Variants in SMCHD1 observed in about 807,000 individuals in gnomAD.
The protein encoded by SMCHD1 is structural maintenance of chromosomes flexible hinge domain-containing protein 1.
In SMCHD1, 78 loss-of-function variants were observed where a neutral mutation model predicts 254.7. That is an observed-to-expected ratio of 0.31 (90% CI 0.26 to 0.37). The LOEUF is 0.37. Ranked by LOEUF, SMCHD1 falls within the 10% of genes least tolerant of loss-of-function variation. SMCHD1 has a pLI of 1.00. For synonymous variants in SMCHD1, 766 were observed against 794.9 expected, an observed-to-expected ratio of 0.96 and a Z score of 0.61; for missense variants, 1,840 against 2,408.1, an observed-to-expected ratio of 0.76 and a Z score of 4.94.
rs772962657 is a variant in SMCHD1 at position 2,722,592 on chromosome 18, T to G, written c.2532T>G (p.Pro844=). Residue 844 remains proline, a synonymous_variant, in exon 20 of 48, where the codon CCT becomes CCG. Coordinates refer to ENST00000320876, the MANE Select transcript of SMCHD1 (RefSeq NM_015295.3). The part of the protein sequence containing the change: ...PFRVGVPFNI[P]LEFQDEFGHT... ...GTGTTGGAGTTCCATTTAATATCCC[T>G]CTGGAGTTTCAGGATGAATTTGGTC... 9 of 1,613,218 alleles carry G rather than the reference T, an allele frequency of 5.6e-6. No individual in the cohort carries two copies. Among genetic ancestry groups the G allele is most frequent in the Non-Finnish European group, 7.6e-6 (9 of 1,179,500 alleles).
intron 3 of SMCHD1, among the ~76,000 whole-genome samples, chr18:2,671,790 G>A (rs1348689943): frequency 6.6e-6 from 1 of 151,756 alleles, no homozygotes; most frequent in Non-Finnish European, 1.5e-5. Flanking sequence ...AGTAGAGACG[G>A]GGTTTCACTG....
intron 46 of SMCHD1, 92 bp downstream of exon 46, chr18:2,796,199 C>A: frequency 8.5e-7 from 1 of 1,179,486 alleles, no homozygotes; most frequent in Non-Finnish European, 1.2e-6. Context: ...AAAAAGAATG[C>A]AAATGATTCA....
intron 34 of SMCHD1, among the ~76,000 whole-genome samples, chr18:2,755,678 C>T (rs1287625272): frequency 1.3e-5 from 2 of 150,454 alleles, no homozygotes; most frequent in African/African-American, 2.5e-5. Context: ...TGCCATTCTC[C>T]TGCCTCAGCC....
chr18:2,730,503 A>G (rs2075117869), intron 24 of SMCHD1, among the ~76,000 whole-genome samples: 1 of 152,158 alleles, frequency 6.6e-6, no homozygotes, highest in Non-Finnish European at 1.5e-5. Context: ...TGCCAGTAGG[A>G]TGCTTTTTAT....
intron 33 of SMCHD1, 148 bp downstream of exon 33, chr18:2,751,541 C>A: frequency 3.5e-6 from 2 of 563,474 alleles, no homozygotes; most frequent in Non-Finnish European, 3.1e-6. Context: ...AAAGAAATTA[C>A]ATCAATGTAT....
chr18:2,684,886 G>A (rs1381802568), intron 5 of SMCHD1, among the ~76,000 whole-genome samples: 2 of 151,742 alleles, frequency 1.3e-5, no homozygotes, highest in African/African-American at 2.4e-5. Context: ...GTATACTTCC[G>A]TTTATGCTAT....
chr18:2,799,621 T>C (rs1489219964), intron 47 of SMCHD1, among the ~76,000 whole-genome samples: 1 of 152,218 alleles, frequency 6.6e-6, no homozygotes, highest in Non-Finnish European at 1.5e-5. Flanking sequence ...GTCATGACTC[T>C]TACTTAGGCC....
intron 47 of SMCHD1, among the ~76,000 whole-genome samples, chr18:2,797,231 CCAT>C (rs2076280081): frequency 1.3e-5 from 2 of 152,266 alleles, no homozygotes; most frequent in Admixed American, 1.3e-4. Flanking sequence ...GATCACCAAA[CCAT>C]TTTGGCCATT....
intron 5 of SMCHD1, among the ~76,000 whole-genome samples, chr18:2,683,427 A>G (rs998455699): frequency 3.3e-5 from 5 of 152,104 alleles, no homozygotes; most frequent in Non-Finnish European, 5.9e-5. Context: ...GTTCCAACAT[A>G]TTTTCCTATT....
At chr18:2,677,190 C>A (rs2073772383) in intron 5 of SMCHD1, among the ~76,000 whole-genome samples, 1 of 151,970 alleles carries the variant, frequency 6.6e-6, no homozygotes, top group Non-Finnish European at 1.5e-5. Context: ...ACAGGGAATA[C>A]CCATATACTC....
chr18:2,753,853 G>A (rs912338020), intron 34 of SMCHD1, among the ~76,000 whole-genome samples: 6 of 152,040 alleles, frequency 3.9e-5, no homozygotes, highest in African/African-American at 7.3e-5. Context: ...CACCGTGCCC[G>A]GCCCTTCCCA....
At chr18:2,709,008 CTG>C in intron 17 of SMCHD1, among the ~76,000 whole-genome samples, 1 of 146,968 alleles carries the variant, frequency 6.8e-6, no homozygotes, top group African/African-American at 2.5e-5. Context: ...TCATTTCAAA[CTG>C]AAACTCTATA....
chr18:2,738,351 C>A, intron 25 of SMCHD1, 46 bp from the exon 26 acceptor site: 2 of 1,123,112 alleles, frequency 1.8e-6, no homozygotes, highest in South Asian at 2.2e-5. Flanking sequence ...AGTAAGAGAA[C>A]ATTAGACGAA....
intron 45 of SMCHD1, among the ~76,000 whole-genome samples, chr18:2,790,444 A>G (rs1243081451): frequency 6.6e-6 from 1 of 152,156 alleles, no homozygotes; most frequent in Non-Finnish European, 1.5e-5. Flanking sequence ...AAAATTTATC[A>G]TAGGCTGGTA....
chr18:2,718,019 A>G lies in SMCHD1; in HGVS notation c.2261-139A>G, dbSNP rs562324648. On this transcript the variant is annotated intron_variant, in intron 17 of 47. Coordinates refer to ENST00000320876, the MANE Select transcript of SMCHD1 (RefSeq NM_015295.3). The surrounding 1 kb of genome is among the most constrained non-coding windows in gnomAD (Gnocchi z 4.6). ...TATTATTGCTGTTCACTTTCATAGG[A>G]TAGTGTTAGATCTTTTGAAGCTTCA... is the stretch of plus-strand genomic sequence containing the variant. The G allele has an allele frequency of 6.6e-6, 4 of 603,438 alleles. No individual in the cohort carries two copies. Among genetic ancestry groups the G allele is most frequent in the East Asian group, 2.8e-5 (1 of 36,036 alleles). 37.4% of individuals were successfully genotyped at this position (603,438 alleles called of 1,614,324 possible). A position where few individuals can be genotyped will look rare whatever the true frequency, so the allele number is the denominator to read the frequency against.
chr18:2,770,424 T>C (rs2075956972), intron 39 of SMCHD1, among the ~76,000 whole-genome samples: 1 of 152,224 alleles, frequency 6.6e-6, no homozygotes, highest in African/African-American at 2.4e-5. Context: ...AGATACTGGA[T>C]AATAATATCA....
At chr18:2,741,976 C>T (rs556473536) in intron 28 of SMCHD1, among the ~76,000 whole-genome samples, 1 of 152,186 alleles carries the variant, frequency 6.6e-6, no homozygotes, top group Non-Finnish European at 1.5e-5. Flanking sequence ...TATAGTAAAA[C>T]TCCTTGGAAG....
In SMCHD1 at chr18:2,718,075, T is replaced by G; in HGVS notation, c.2261-83T>G. 1 of 1,028,308 alleles carries G rather than the reference T, an allele frequency of 9.7e-7. No individual in the cohort carries two copies. Among genetic ancestry groups the G allele is most frequent in the Non-Finnish European group, 1.4e-6 (1 of 697,114 alleles). The allele number at this position is 1,028,308 out of a possible 1,614,324, so 63.7% of individuals were successfully genotyped here. A position where few individuals can be genotyped will look rare whatever the true frequency, so the allele number is the denominator to read the frequency against. On this transcript the variant is annotated intron_variant, in intron 17 of 47. Coordinates refer to ENST00000320876, the MANE Select transcript of SMCHD1 (RefSeq NM_015295.3). The surrounding 1 kb of genome is among the most constrained non-coding windows in gnomAD (Gnocchi z 4.6). ...GGTTTTAAAATACAGCAAATAGGTA[T>G]TTGGTGCCAATGTGACATTGCGTAT...
At chr18:2,750,272 A>G in intron 31 of SMCHD1, 78 bp from the exon 32 acceptor site, 2 of 1,473,612 alleles carry the variant, frequency 1.4e-6, no homozygotes, top group Non-Finnish European at 9.2e-7. Flanking sequence ...TAAGAGTTGA[A>G]CTTTGCATAA....
Sources: gnomAD v4.1 joint callset for allele counts (sites outside exome capture counted in the v4.1 genomes callset) on GRCh38, gnomAD v4.1.1 for gene constraint, Gnocchi (gnomAD v3.1) non-coding constraint, MANE v1.5 for transcripts, NCBI Gene and HGNC (gene_info 2026-07-23, HGNC 2026-07-21) for gene names.